RAPGEF5: variants seen among roughly 807,000 people sequenced by gnomAD.
RAPGEF5 encodes M-Ras-regulated GEF.
A neutral mutation model predicts 125.2 loss-of-function variants in RAPGEF5; 65 were observed. The ratio of observed to expected loss-of-function variants is 0.52; its 90% CI spans 0.43 to 0.64. The LOEUF is 0.64. Ranked by LOEUF, RAPGEF5 falls within the 30% of genes least tolerant of loss-of-function variation. The probability of loss-of-function intolerance (pLI) is 0.00; values close to 1 mark genes in which losing one functional copy is unlikely to be tolerated. For missense variants in RAPGEF5, 958 were observed against 1,048.1 expected (o/e 0.91, Z 1.19); for synonymous variants, 391 against 385.9 (o/e 1.01, Z -0.16).
At chr7:22,335,063 T>C (rs1040334622) in intron 1 of RAPGEF5, among the ~76,000 whole-genome samples, 1 of 152,170 alleles carries the variant, frequency 6.6e-6, no homozygotes, top group Non-Finnish European at 1.5e-5. Flanking sequence ...CTCCACTGTA[T>C]CCTGCCCCAA....
intron 12 of RAPGEF5, among the ~76,000 whole-genome samples, chr7:22,165,026 AAT>A (rs1209870650): frequency 6.6e-6 from 1 of 152,184 alleles, no homozygotes; most frequent in Non-Finnish European, 1.5e-5. Context: ...TCTCACATTA[AAT>A]ATAGATTCCC....
At chr7:22,302,677 C>T (rs2128150804) in intron 5 of RAPGEF5, among the ~76,000 whole-genome samples, 1 of 152,160 alleles carries the variant, frequency 6.6e-6, no homozygotes, top group Middle Eastern at 3.4e-3. Flanking sequence ...AGAGACTGGG[C>T]TCTTTTACTA....
intron 9 of RAPGEF5, among the ~76,000 whole-genome samples, chr7:22,209,710 G>A (rs1785468397): frequency 6.6e-6 from 1 of 152,150 alleles, no homozygotes; most frequent in Non-Finnish European, 1.5e-5. Context: ...TAGGGGAGGA[G>A]TAGTTCTAAA....
chr7:22,334,556 A>G (rs1040227875), intron 1 of RAPGEF5, among the ~76,000 whole-genome samples: 2 of 152,232 alleles, frequency 1.3e-5, no homozygotes, highest in African/African-American at 4.8e-5. Context: ...GCATAGAAGG[A>G]ACACCTGCAT....
At chr7:22,159,491 A>C (rs1392949643) in intron 14 of RAPGEF5, among the ~76,000 whole-genome samples, 2 of 152,264 alleles carry the variant, frequency 1.3e-5, no homozygotes, top group African/African-American at 4.8e-5. Flanking sequence ...TCTTAACAGA[A>C]GCTTTTCACA....
chr7:22,278,052 T>G (rs1368872111), intron 6 of RAPGEF5, among the ~76,000 whole-genome samples: 1 of 152,188 alleles, frequency 6.6e-6, no homozygotes, highest in Admixed American at 6.5e-5. Flanking sequence ...AGTCACTTGC[T>G]AATACAGCCT....
chr7:22,312,863 T>C (rs1783505362), intron 3 of RAPGEF5, among the ~76,000 whole-genome samples: 1 of 152,238 alleles, frequency 6.6e-6, no homozygotes, highest in Non-Finnish European at 1.5e-5. Flanking sequence ...GTGTTGTCTC[T>C]GCATTTAATG....
chr7:22,213,098 C>T (rs1460440041), intron 9 of RAPGEF5, among the ~76,000 whole-genome samples: 5 of 152,088 alleles, frequency 3.3e-5, no homozygotes, highest in Admixed American at 2.6e-4. Context: ...ACTTGAGCAC[C>T]GTCAAAAAAT....
chr7:22,212,610 A>T (rs974181058), intron 9 of RAPGEF5, among the ~76,000 whole-genome samples: 1 of 152,206 alleles, frequency 6.6e-6, no homozygotes, highest in African/African-American at 2.4e-5. Context: ...GGAAGTACAC[A>T]GTTATCATGA....
intron 10 of RAPGEF5, 87 bp from the exon 11 acceptor site, chr7:22,193,542 G>T (rs760116815): frequency 1.3e-6 from 2 of 1,552,040 alleles, no homozygotes; most frequent in Non-Finnish European, 1.7e-6. Flanking sequence ...CCTCCTCGTC[G>T]ATGTATTTGA....
chr7:22,196,183 T>C (rs558303645), intron 9 of RAPGEF5, among the ~76,000 whole-genome samples: 8 of 152,308 alleles, frequency 5.3e-5, no homozygotes, highest in African/African-American at 1.4e-4. Flanking sequence ...AAGGGAAATA[T>C]GTTATCTAAA....
At chr7:22,200,460 G>A (rs1046404013) in intron 9 of RAPGEF5, among the ~76,000 whole-genome samples, 1 of 152,110 alleles carries the variant, frequency 6.6e-6, no homozygotes, top group Non-Finnish European at 1.5e-5. Flanking sequence ...CTTTGTACAC[G>A]ATACTCTGGC....
intron 18 of RAPGEF5, 58 bp from the exon 19 acceptor site, chr7:22,147,077 G>A (rs1583410593): frequency 6.3e-7 from 1 of 1,579,372 alleles, no homozygotes; most frequent in East Asian, 2.2e-5. Context: ...GCACTGCATT[G>A]GCTGGCTGTA....
chr7:22,276,954 T>C (rs547494449), intron 6 of RAPGEF5, among the ~76,000 whole-genome samples: 101 of 152,330 alleles, frequency 6.6e-4, no homozygotes, highest in African/African-American at 1.6e-3. Context: ...TGCTTTAATA[T>C]TGCATATGTT....
chr7:22,262,937 C>G (rs757926394), intron 7 of RAPGEF5, among the ~76,000 whole-genome samples: 3 of 152,160 alleles, frequency 2.0e-5, no homozygotes, highest in Non-Finnish European at 4.4e-5. Context: ...TGCACTGCAG[C>G]CTGGGTGACA....
At chr7:22,200,842 T>C (rs1383282107) in intron 9 of RAPGEF5, among the ~76,000 whole-genome samples, 5 of 152,210 alleles carry the variant, frequency 3.3e-5, no homozygotes, top group Non-Finnish European at 7.3e-5. Context: ...AGTAACCTAC[T>C]GCACAATAGG....
At chr7:22,314,475 C>T (rs1783546214) in intron 3 of RAPGEF5, 2 of 494,634 alleles carry the variant, frequency 4.0e-6, no homozygotes, top group South Asian at 1.7e-4. Context: ...TTTTTTCCAT[C>T]TCCAGCAAAC....
chr7:22,213,933 A>G (rs1046336962), intron 9 of RAPGEF5, among the ~76,000 whole-genome samples: 3 of 152,210 alleles, frequency 2.0e-5, no homozygotes, highest in East Asian at 1.9e-4. Flanking sequence ...AGTATTTCAT[A>G]TAGAGTAAAA....
At chr7:22,198,895 C>A (rs138139480) in intron 9 of RAPGEF5, among the ~76,000 whole-genome samples, 1 of 152,192 alleles carries the variant, frequency 6.6e-6, no homozygotes, top group Non-Finnish European at 1.5e-5. Context: ...AGACAGATGG[C>A]GAAGCTGAGA....
Sources: allele counts gnomAD v4.1 joint callset (sites outside exome capture counted in the v4.1 genomes callset), GRCh38; gene constraint gnomAD v4.1.1; transcripts MANE v1.5; gene names NCBI Gene and HGNC (gene_info 2026-07-23, HGNC 2026-07-21).